The following NOS1 variants were observed in gnomAD, a reference collection of about 807,000 sequenced individuals.
NOS1 encodes the protein NOS type I.
In NOS1, 51 loss-of-function variants were observed where a neutral mutation model predicts 164.5. That is an observed-to-expected ratio of 0.31 (90% CI 0.25 to 0.39). The LOEUF (loss-of-function observed/expected upper bound fraction) is 0.39. Among genes scored for constraint, NOS1 ranks in the 10% least tolerant of loss-of-function variants. The probability of loss-of-function intolerance (pLI) is 1.00; values close to 1 mark genes in which losing one functional copy is unlikely to be tolerated. For synonymous variants in NOS1, 719 were observed against 745.8 expected, an observed-to-expected ratio of 0.96 and a Z score of 0.59; for missense variants, 1,362 against 1,885.6, an observed-to-expected ratio of 0.72 and a Z score of 5.14.
At chr12:117,332,093 G>A (rs1412024754) in intron 1 of NOS1, among the ~76,000 whole-genome samples, 1 of 152,160 alleles carries the variant, frequency 6.6e-6, no homozygotes, top group Non-Finnish European at 1.5e-5. Flanking sequence ...CTAAGAAGAT[G>A]GGTCCACACA....
At chr12:117,346,514 C>G (rs542971324) in intron 1 of NOS1, among the ~76,000 whole-genome samples, 13 of 152,220 alleles carry the variant, frequency 8.5e-5, no homozygotes, top group Admixed American at 7.2e-4. Flanking sequence ...GAAAAAGGAA[C>G]GACAATGTGG....
intron 2 of NOS1, among the ~76,000 whole-genome samples, chr12:117,321,610 C>G (rs958784880): frequency 6.6e-6 from 1 of 152,074 alleles, no homozygotes; most frequent in South Asian, 2.1e-4. Flanking sequence ...GAGCTGCTTA[C>G]GTTCAAGTGG....
Position 117,311,570 on chromosome 12 carries a change from T to G in NOS1, c.748A>C (p.Lys250Gln), listed in dbSNP as rs1346400851. The change falls in exon 3 of 29, where the codon AAA (lysine) becomes CAA (glutamine). Residue 250 changes from lysine to glutamine, a missense_variant. Transcript: ENST00000317775. ...TTCTCCACGCCGAGGGGCAGAGGTT[T>G]GTGTGACTTGCCGTCCAAATCTCTG... ...VDRDLDGKSH[K>Q]PLPLGVENDR... The G allele has an allele frequency of 6.2e-7, 1 of 1,612,068 alleles. No individual in the cohort carries two copies. Among genetic ancestry groups the G allele is most frequent in the South Asian group, 1.1e-5 (1 of 90,510 alleles).
At chr12:117,231,097 G>T (rs1370789057) in intron 22 of NOS1, among the ~76,000 whole-genome samples, 1 of 152,110 alleles carries the variant, frequency 6.6e-6, no homozygotes, top group Non-Finnish European at 1.5e-5. Flanking sequence ...GGAGGCCGAG[G>T]TGGGTGGATC....
Position 117,243,496 on chromosome 12 carries a change from G to A in NOS1, c.2824-61C>T, listed in dbSNP as rs1170529677. 1 of 1,583,920 alleles carries A rather than the reference G, an allele frequency of 6.3e-7. No individual in the cohort carries two copies. Among genetic ancestry groups the A allele is most frequent in the Admixed American group, 1.7e-5 (1 of 58,176 alleles). ...AGCCAAGCGGATCTCCTCTCCAACA[G>A]CTCCAAGTCATGGCATGTATCTCTT... On this transcript the variant is annotated intron_variant, in intron 18 of 28. Transcript: ENST00000317775. The surrounding 1 kb of genome is among the most constrained non-coding windows in gnomAD (Gnocchi z 4.3).
chr12:117,340,474 CATAG>C (rs1251510785), intron 1 of NOS1, among the ~76,000 whole-genome samples: 4 of 152,102 alleles, frequency 2.6e-5, no homozygotes, highest in East Asian at 1.9e-4. Flanking sequence ...ATAGTGCCTA[CATAG>C]ATAGGGTGTC....
At position 117,243,515 on chromosome 12, in the gene NOS1, A is replaced by T. The variant is rs928799913; in HGVS notation, c.2824-80T>A. ...CCAACAGCTCCAAGTCATGGCATGTATCTCTTCATTCACCCATCCATCCAT... is the reference window on the plus strand; with the variant it reads ...CCAACAGCTCCAAGTCATGGCATGTTTCTCTTCATTCACCCATCCATCCAT... On this transcript the variant is annotated intron_variant, in intron 18 of 28. Transcript: ENST00000317775. The surrounding 1 kb of genome is among the most constrained non-coding windows in gnomAD (Gnocchi z 4.3). The T allele has an allele frequency of 7.6e-5, 114 of 1,506,312 alleles. No homozygotes were observed. Among genetic ancestry groups the T allele is most frequent in the Non-Finnish European group, 9.3e-5 (103 of 1,101,976 alleles). 93.3% of individuals were successfully genotyped at this position (1,506,312 alleles called of 1,614,324 possible).
intron 9 of NOS1, among the ~76,000 whole-genome samples, chr12:117,275,589 T>C (rs1426218582): frequency 6.6e-6 from 1 of 152,190 alleles, no homozygotes; most frequent in Non-Finnish European, 1.5e-5. Flanking sequence ...TCTACACCAC[T>C]GTAGGATGAC....
intron 20 of NOS1, among the ~76,000 whole-genome samples, chr12:117,236,466 A>T (rs964955110): frequency 1.3e-5 from 2 of 152,092 alleles, no homozygotes; most frequent in Non-Finnish European, 2.9e-5. Flanking sequence ...CATAGTGGGG[A>T]ACTTAGCGAC....
At chr12:117,298,008 T>G (rs1424949224) in intron 3 of NOS1, among the ~76,000 whole-genome samples, 4 of 152,120 alleles carry the variant, frequency 2.6e-5, no homozygotes, top group Admixed American at 6.6e-5. Context: ...AATTTTTCCA[T>G]GGACTGGTGG....
At chr12:117,343,657 G>T (rs939395265) in intron 1 of NOS1, among the ~76,000 whole-genome samples, 2 of 152,170 alleles carry the variant, frequency 1.3e-5, no homozygotes, top group African/African-American at 4.8e-5. Context: ...TAATGACAAT[G>T]TTGAATGTTT....
Position 117,330,336 on chromosome 12 carries a change from G to A in NOS1, c.725+9C>T, listed in dbSNP as rs376999719. 6 of 1,574,828 alleles carry A rather than the reference G, an allele frequency of 3.8e-6. No homozygotes were observed. Among genetic ancestry groups the A allele is most frequent in the Non-Finnish European group, 5.2e-6 (6 of 1,162,324 alleles). On this transcript the variant is annotated intron_variant, in intron 2 of 28. Coordinates refer to ENST00000317775, the MANE Select transcript of NOS1 (RefSeq NM_000620.5). This position sits in a 1 kb window ranked among gnomAD's most constrained non-coding sequence, Gnocchi z 4.6. ...CACACACACACACACACACCCCTGT[G>A]GAGCTTACCTGTCCACCTGGATTCC... is the stretch of plus-strand genomic sequence containing the variant.
intron 2 of NOS1, among the ~76,000 whole-genome samples, chr12:117,312,614 G>T (rs1194830178): frequency 6.6e-6 from 1 of 151,736 alleles, no homozygotes; most frequent in African/African-American, 2.4e-5. Context: ...GTACAGATAG[G>T]GTCTCACTGT....
At chr12:117,355,016 T>A (rs1465744625) in intron 1 of NOS1, among the ~76,000 whole-genome samples, 1 of 152,244 alleles carries the variant, frequency 6.6e-6, no homozygotes, top group East Asian at 1.9e-4. Context: ...ACCTTTTTAA[T>A]CCTCATGGTA....
At chr12:117,339,748 T>C (rs745704256) in intron 1 of NOS1, among the ~76,000 whole-genome samples, 2 of 152,220 alleles carry the variant, frequency 1.3e-5, no homozygotes, top group Non-Finnish European at 2.9e-5. Flanking sequence ...AGGAATGCTC[T>C]TAAAGATACA....
Position 117,243,854 on chromosome 12 carries a change from A to G in NOS1, c.2824-419T>C, listed in dbSNP as rs1054514821. ...CATCTTTCCATGCATCCATCCTTCC[A>G]TCCATCTACCCACCCACCCACCTAT... On this transcript the variant is annotated intron_variant, in intron 18 of 28. Coordinates refer to ENST00000317775, the MANE Select transcript of NOS1 (RefSeq NM_000620.5). This position sits in a 1 kb window ranked among gnomAD's most constrained non-coding sequence, Gnocchi z 4.3. Among the ~76,000 whole-genome samples, 8 of 149,840 alleles carry G rather than the reference A, an allele frequency of 5.3e-5. No individual in the cohort carries two copies. Among genetic ancestry groups the G allele is most frequent in the African/African-American group, 1.7e-4 (7 of 40,498 alleles).
Position 117,330,052 on chromosome 12 carries a change from G to A in NOS1, c.725+293C>T, listed in dbSNP as rs1005382598. Among the ~76,000 whole-genome samples, 1 of 152,184 alleles carries A rather than the reference G, an allele frequency of 6.6e-6. No homozygotes were observed. Among genetic ancestry groups the A allele is most frequent in the African/African-American group, 2.4e-5 (1 of 41,436 alleles). On this transcript the variant is annotated intron_variant, in intron 2 of 28. Transcript: ENST00000317775. This position sits in a 1 kb window ranked among gnomAD's most constrained non-coding sequence, Gnocchi z 4.6. The stretch of plus-strand genomic sequence containing the variant: ...TGCAAAAATGCAAGTAAGTTTCCTG[G>A]AGGATTATAGGGGATAAAGATGAGA...
Position 117,208,336 on chromosome 12 carries a change from G to A in NOS1, c.*6973C>T, listed in dbSNP as rs1956469589. On this transcript the variant is annotated 3_prime_UTR_variant, in exon 29 of 29. Transcript: ENST00000317775. ...TGCTGGAGCACAGGGACACTTGGCAGAGATTAGCAGCATTGAGAGCTCAGA... is the reference window on the plus strand; with the variant it reads ...TGCTGGAGCACAGGGACACTTGGCAAAGATTAGCAGCATTGAGAGCTCAGA... 1 of 1,288,506 alleles carries A rather than the reference G, an allele frequency of 7.8e-7. No individual in the cohort carries two copies. The highest frequency in any genetic ancestry group is 1.5e-5 in the African/African-American group (1 of 65,564). The allele number at this position is 1,288,506 out of a possible 1,614,324, so 79.8% of individuals were successfully genotyped here. A position where few individuals can be genotyped will look rare whatever the true frequency, so the allele number is the denominator to read the frequency against.
chr12:117,344,314 A>C (rs762799308), intron 1 of NOS1, among the ~76,000 whole-genome samples: 1 of 152,254 alleles, frequency 6.6e-6, no homozygotes, highest in Non-Finnish European at 1.5e-5. Context: ...GCGCTCAACT[A>C]TTCACACTGA....
Sources: allele counts gnomAD v4.1 joint callset (sites outside exome capture counted in the v4.1 genomes callset), GRCh38; gene constraint gnomAD v4.1.1; non-coding constraint Gnocchi (gnomAD v3.1); transcripts MANE v1.5; gene names NCBI Gene and HGNC (gene_info 2026-07-23, HGNC 2026-07-21).